The following EHD4 variants were observed in gnomAD, a reference collection of about 807,000 sequenced individuals.
EHD4 encodes the protein EH domain-containing protein 4.
In EHD4, 37 loss-of-function variants were observed where a neutral mutation model predicts 51.0. That is an observed-to-expected ratio of 0.73 (90% confidence interval 0.56 to 0.95). The LOEUF is 0.95. EHD4 is among the 40% of genes least tolerant of loss of function. The pLI, the probability that EHD4 is intolerant of heterozygous loss-of-function variation, is 0.00. For synonymous variants in EHD4, 297 were observed against 317.3 expected, an observed-to-expected ratio of 0.94 and a Z score of 0.68; for missense variants, 632 against 733.1, an observed-to-expected ratio of 0.86 and a Z score of 1.59.
At chr15:41,968,654 T>C (rs1295715162) in intron 1 of EHD4, among the ~76,000 whole-genome samples, 1 of 152,196 alleles carries the variant, frequency 6.6e-6, no homozygotes, top group African/African-American at 2.4e-5. Flanking sequence ...CTTTGTTTTC[T>C]TTCTGGCATC....
intron 1 of EHD4, among the ~76,000 whole-genome samples, chr15:41,954,231 C>T (rs1338965080): frequency 6.6e-6 from 1 of 152,178 alleles, no homozygotes; most frequent in South Asian, 2.1e-4. Context: ...GGTCCCTGGG[C>T]ACCCTGTGCC....
intron 2 of EHD4, among the ~76,000 whole-genome samples, chr15:41,943,868 C>T (rs995305512): frequency 2.6e-5 from 4 of 152,232 alleles, no homozygotes; most frequent in African/African-American, 9.6e-5. Context: ...GGGGCAGGCA[C>T]CTGTGACACC....
chr15:41,959,606 G>T (rs1310208471), intron 1 of EHD4, among the ~76,000 whole-genome samples: 1 of 152,016 alleles, frequency 6.6e-6, no homozygotes, highest in Non-Finnish European at 1.5e-5. Context: ...TATTTCACTA[G>T]GAGAGGGATG....
In EHD4 at chr15:41,896,053, C is replaced by T. The variant is rs1353716902; in HGVS notation, c.*4592G>A. On this transcript the variant is annotated 3_prime_UTR_variant, in exon 6 of 6. Coordinates refer to ENST00000220325, the MANE Select transcript of EHD4 (RefSeq NM_139265.4). ...CCTGGCCTCAACGATCTTCCCACTT[C>T]AGCCTCCTGCATTGCTGGGATTATA... The T allele has an allele frequency of 6.6e-6, 1 of 152,268 alleles. No homozygotes were observed. The highest frequency in any genetic ancestry group is 1.9e-4 in the East Asian group (1 of 5,210). 9.4% of individuals were successfully genotyped at this position (152,268 alleles called of 1,614,324 possible).
At chr15:41,921,922 G>A (rs1237565856) in intron 3 of EHD4, among the ~76,000 whole-genome samples, 2 of 152,166 alleles carry the variant, frequency 1.3e-5, no homozygotes, top group Non-Finnish European at 1.5e-5. Context: ...GAACCTTGGG[G>A]AAATGACACG....
chr15:41,936,318 T>A (rs951600742), intron 3 of EHD4, among the ~76,000 whole-genome samples: 4 of 152,186 alleles, frequency 2.6e-5, no homozygotes, highest in African/African-American at 9.7e-5. Flanking sequence ...GTCAGCAAAT[T>A]TCTTAAGCTC....
intron 3 of EHD4, among the ~76,000 whole-genome samples, chr15:41,929,481 C>T (rs1290488721): frequency 6.6e-6 from 1 of 152,206 alleles, no homozygotes; most frequent in African/African-American, 2.4e-5. Context: ...GGGCATGTGA[C>T]CAAGTGAAAG....
chr15:41,966,309 C>T (rs2067961175), intron 1 of EHD4, among the ~76,000 whole-genome samples: 1 of 152,150 alleles, frequency 6.6e-6, no homozygotes, highest in Non-Finnish European at 1.5e-5. Flanking sequence ...GGTTCTGTTT[C>T]AGTCCTTTTC....
At chr15:41,926,008 A>G (rs1032470584) in intron 3 of EHD4, 3 of 152,214 alleles carry the variant, frequency 2.0e-5, no homozygotes, top group Non-Finnish European at 2.9e-5. Context: ...CAAGAGAAAA[A>G]TAATGCTTAC....
intron 4 of EHD4, among the ~76,000 whole-genome samples, chr15:41,915,359 T>C (rs1473477856): frequency 2.0e-5 from 3 of 152,178 alleles, no homozygotes; most frequent in Non-Finnish European, 4.4e-5. Context: ...ATTACAGGTG[T>C]GAGCCACCGT....
chr15:41,907,262 A>C (rs903743180), intron 5 of EHD4, among the ~76,000 whole-genome samples: 3 of 152,170 alleles, frequency 2.0e-5, no homozygotes, highest in African/African-American at 7.2e-5. Context: ...TTTCTTTATA[A>C]CTTTCATTTA....
intron 3 of EHD4, among the ~76,000 whole-genome samples, chr15:41,925,841 C>T (rs190693304): frequency 4.6e-5 from 7 of 152,206 alleles, no homozygotes; most frequent in South Asian, 2.1e-4. Flanking sequence ...AAGGGCTTCC[C>T]GTCACAGCCC....
chr15:41,920,412 C>T (rs561870446), intron 3 of EHD4, among the ~76,000 whole-genome samples: 1 of 152,250 alleles, frequency 6.6e-6, no homozygotes, highest in East Asian at 1.9e-4. Context: ...CAGATTCCCA[C>T]GAAAAGCAAA....
chr15:41,919,599 G>C lies in EHD4; in HGVS notation c.535C>G (p.Gln179Glu). The change falls in exon 4 of 6, where the codon CAG becomes GAG. Residue 179 changes from glutamine to glutamate, a missense_variant. Gln to Glu is a conservative substitution (Grantham distance 29). Coordinates refer to ENST00000220325, the MANE Select transcript of EHD4 (RefSeq NM_139265.4). ...SRGYDFCQVL[Q>E]WFAERVDRII... is the part of the protein sequence containing the mutation. ...CTGTCCACCCTCTCGGCAAACCACT[G>C]CAGGACCTGGCAGAAGTCATAGCCT... 1 of 1,514,994 alleles carries C rather than the reference G, an allele frequency of 6.6e-7. No homozygotes were observed. The highest frequency in any genetic ancestry group is 8.8e-7 in the Non-Finnish European group (1 of 1,132,680). 93.8% of individuals were successfully genotyped at this position (1,514,994 alleles called of 1,614,324 possible).
In EHD4 at chr15:41,914,785, A is replaced by AT. The variant is rs10713712; in HGVS notation, c.924+4424dup. Among the ~76,000 whole-genome samples, 290 of 126,512 alleles carry AT rather than the reference A, an allele frequency of 2.3e-3. 3 individuals carry two copies. The highest frequency in any genetic ancestry group is 0.014 in the South Asian group (54 of 3,930). The allele number at this position is 126,512 out of a possible 152,430, so 83.0% of individuals were successfully genotyped here. A position where few individuals can be genotyped will look rare whatever the true frequency, so the allele number is the denominator to read the frequency against. Reference sequence around the variant, plus strand: ...AAATGCCTCATTTCTTTACAGGAGAATTTTTTTTTTTTTTTTTTGAAATGG... The same window carrying AT: ...AAATGCCTCATTTCTTTACAGGAGAATTTTTTTTTTTTTTTTTTTGAAATGG... On this transcript the variant is annotated intron_variant, in intron 4 of 5. Coordinates refer to ENST00000220325, the MANE Select transcript of EHD4 (RefSeq NM_139265.4).
At chr15:41,959,395 C>CAAAAAAAA (rs36120701) in intron 1 of EHD4, among the ~76,000 whole-genome samples, 1 of 66,410 alleles carries the variant, frequency 1.5e-5, no homozygotes, top group African/African-American at 7.0e-5. Flanking sequence ...GACTTTGTCT[C>CAAAAAAAA]AAAAAAAAAA....
intron 3 of EHD4, among the ~76,000 whole-genome samples, chr15:41,939,416 C>T (rs1199816934): frequency 2.0e-5 from 3 of 152,086 alleles, no homozygotes; most frequent in Non-Finnish European, 4.4e-5. Context: ...TGCCAATGGC[C>T]AGGCATGGTG....
chr15:41,912,414 G>C (rs943109867), intron 4 of EHD4, among the ~76,000 whole-genome samples: 65 of 152,146 alleles, frequency 4.3e-4, no homozygotes, highest in African/African-American at 1.4e-3. Context: ...CATCAAGTTG[G>C]CCAGGCACGA....
intron 3 of EHD4, among the ~76,000 whole-genome samples, chr15:41,920,621 T>G (rs34282406): frequency 0.099 from 15,076 of 152,302 alleles, 861 homozygotes; most frequent in South Asian, 0.15. Flanking sequence ...TGAATGCTGA[T>G]GTACCTACCA....
Sources: allele counts gnomAD v4.1 joint callset (sites outside exome capture counted in the v4.1 genomes callset), GRCh38; gene constraint gnomAD v4.1.1; transcripts MANE v1.5; gene names NCBI Gene and HGNC (gene_info 2026-07-23, HGNC 2026-07-21).